RARB: variants seen among roughly 807,000 people sequenced by gnomAD.
RARB encodes the protein retinoic acid receptor beta, also known as HBV-activated protein.
In RARB, 17 loss-of-function variants were observed where a neutral mutation model predicts 51.9. The observed-to-expected ratio is 0.33, with a 90% confidence interval of 0.22 to 0.49. RARB has a LOEUF of 0.49. RARB is among the 20% of genes least tolerant of loss of function. RARB has a pLI of 0.99. For synonymous variants in RARB, 215 were observed against 195.4 expected, an observed-to-expected ratio of 1.10 and a Z score of -0.84; for missense variants, 369 against 550.8, an observed-to-expected ratio of 0.67 and a Z score of 3.30.
At chr3:25,190,160 G>C (rs568369780) in intron 5 of RARB, among the ~76,000 whole-genome samples, 1 of 151,184 alleles carries the variant, frequency 6.6e-6, no homozygotes, top group Admixed American at 6.6e-5. Context: ...ATAGTATCTA[G>C]AACTTTCCCA....
chr3:25,022,241 C>G (rs1575122716), intron 2 of RARB, among the ~76,000 whole-genome samples: 1 of 152,148 alleles, frequency 6.6e-6, no homozygotes, highest in Non-Finnish European at 1.5e-5. Context: ...CTTTGGCCAC[C>G]CTTGTCATTA....
intron 2 of RARB, among the ~76,000 whole-genome samples, chr3:25,001,743 A>T (rs1559429055): frequency 6.6e-6 from 1 of 152,202 alleles, no homozygotes; most frequent in Non-Finnish European, 1.5e-5. Context: ...ACTCATTTGC[A>T]CATGATTTTT....
chr3:25,256,994 T>C (rs1170608175), intron 5 of RARB, among the ~76,000 whole-genome samples: 1 of 151,982 alleles, frequency 6.6e-6, no homozygotes, highest in East Asian at 1.9e-4. Context: ...ATAAGGACTA[T>C]CCTAAAAGCT....
chr3:24,842,333 T>G (rs188840621), intron 1 of RARB, among the ~76,000 whole-genome samples: 1 of 152,326 alleles, frequency 6.6e-6, no homozygotes, highest in African/African-American at 2.4e-5. Context: ...TCGTTTTGAT[T>G]TCTTTATTTC....
rs561807141 is a variant in RARB, at chr3:25,478,056, T to C, written c.306+16715T>C. On this transcript the variant is annotated intron_variant, in intron 2 of 7. Transcript: ENST00000330688. ...CTTGGGCCTCCTTACAAAATGGTGGTCTCAGAGTTGTCAGACCTATTACAT... is the reference window on the plus strand; with the variant it reads ...CTTGGGCCTCCTTACAAAATGGTGGCCTCAGAGTTGTCAGACCTATTACAT... Among the ~76,000 whole-genome samples, 9 of 152,256 alleles carry C rather than the reference T, an allele frequency of 5.9e-5. No individual in the cohort carries two copies. In the South Asian group the frequency reaches 1.9e-3, roughly 32 times the overall value.
chr3:25,500,846 T>C (rs1304432626), intron 2 of RARB, among the ~76,000 whole-genome samples: 1 of 152,124 alleles, frequency 6.6e-6, no homozygotes, highest in Non-Finnish European at 1.5e-5. Context: ...CATCTGAAAT[T>C]GTTCTCGTCA....
chr3:24,998,581 T>C lies in RARB; in HGVS notation c.-379-61544T>C, dbSNP rs979853880. ...AGGCTTTAATGGGCCTCAGGCCACA[T>C]GTTCTGTTCTGTTTGCCTTTTATCC... is the stretch of plus-strand genomic sequence containing the variant. On this transcript the variant is annotated intron_variant, in intron 2 of 11. Coordinates refer to the RARB transcript ENST00000383772. Among the ~76,000 whole-genome samples the C allele has an allele frequency of 5.9e-5, 9 of 152,142 alleles. 1 individual carries two copies. The highest frequency in any genetic ancestry group is 1.3e-4 in the Non-Finnish European group (9 of 68,004).
chr3:24,887,878 C>A (rs1309203833), intron 2 of RARB, among the ~76,000 whole-genome samples: 1 of 152,138 alleles, frequency 6.6e-6, no homozygotes, highest in South Asian at 2.1e-4. Context: ...TGGGAAGAAG[C>A]TGATGGCCTT....
intron 5 of RARB, among the ~76,000 whole-genome samples, chr3:25,379,208 G>T (rs983637236): frequency 6.6e-6 from 1 of 152,158 alleles, no homozygotes; most frequent in Non-Finnish European, 1.5e-5. Flanking sequence ...CCACAGAGAT[G>T]AAATAAGGAA....
intron 2 of RARB, among the ~76,000 whole-genome samples, chr3:25,000,680 T>G (rs1697140542): frequency 6.6e-6 from 1 of 152,114 alleles, no homozygotes; most frequent in Admixed American, 6.6e-5. Flanking sequence ...AGTATCTCAG[T>G]GCTTTCTTTC....
chr3:25,069,704 C>T (rs575191008), intron 3 of RARB, among the ~76,000 whole-genome samples: 18 of 152,268 alleles, frequency 1.2e-4, no homozygotes, highest in South Asian at 6.2e-4. Context: ...CATCTGAAAG[C>T]GGAGGGGGAG....
At chr3:25,556,611 A>G (rs566283750) in intron 3 of RARB, among the ~76,000 whole-genome samples, 2 of 152,342 alleles carry the variant, frequency 1.3e-5, no homozygotes, top group Admixed American at 1.3e-4. Flanking sequence ...ACTGGCTTAA[A>G]TGTGACCTTT....
intron 5 of RARB, among the ~76,000 whole-genome samples, chr3:25,356,335 G>A (rs1391730585): frequency 3.3e-5 from 5 of 152,006 alleles, no homozygotes; most frequent in Admixed American, 1.3e-4. Context: ...AGGTTTAAAC[G>A]TTGCCTTTTG....
At chr3:25,586,985 G>A (rs938065424) in intron 5 of RARB, among the ~76,000 whole-genome samples, 1 of 152,226 alleles carries the variant, frequency 6.6e-6, no homozygotes, top group African/African-American at 2.4e-5. Flanking sequence ...GGGGTAGCCA[G>A]TGTAGCGGTT....
intron 4 of RARB, among the ~76,000 whole-genome samples, chr3:25,147,875 C>T (rs1199260604): frequency 6.6e-6 from 1 of 152,190 alleles, no homozygotes; most frequent in African/African-American, 2.4e-5. Context: ...CTGATTCATA[C>T]CCTTTCATAT....
intron 2 of RARB, among the ~76,000 whole-genome samples, chr3:24,870,514 T>C (rs1346044002): frequency 6.6e-6 from 1 of 152,140 alleles, no homozygotes; most frequent in Non-Finnish European, 1.5e-5. Context: ...TGTTTAATAT[T>C]TCTTTATACT....
intron 5 of RARB, among the ~76,000 whole-genome samples, chr3:25,242,140 C>T (rs986287627): frequency 6.6e-6 from 1 of 152,084 alleles, no homozygotes; most frequent in Non-Finnish European, 1.5e-5. Context: ...ATCCTTCCCC[C>T]ACTTTTCAAT....
chr3:25,460,408 C>T (rs1350710912), intron 1 of RARB, among the ~76,000 whole-genome samples: 1 of 143,648 alleles, frequency 7.0e-6, no homozygotes, highest in African/African-American at 2.7e-5. Context: ...CTTCATTTGT[C>T]CAAAGGAAAA....
chr3:24,893,748 C>T (rs893568181), intron 2 of RARB, among the ~76,000 whole-genome samples: 2 of 151,452 alleles, frequency 1.3e-5, no homozygotes, highest in African/African-American at 2.4e-5. Flanking sequence ...GGGTCTCAGA[C>T]TTCTGGACTC....
Sources: allele counts gnomAD v4.1 joint callset (sites outside exome capture counted in the v4.1 genomes callset), GRCh38; gene constraint gnomAD v4.1.1; transcripts MANE v1.5; gene names NCBI Gene and HGNC (gene_info 2026-07-23, HGNC 2026-07-21).